ZC3H13: variants seen among roughly 807,000 people sequenced by gnomAD.
ZC3H13 encodes the protein zinc finger CCCH-type containing 13.
A neutral mutation model predicts 204.1 loss-of-function variants in ZC3H13; 64 were observed. The ratio of observed to expected loss-of-function variants is 0.31; its 90% CI spans 0.26 to 0.39. The LOEUF (loss-of-function observed/expected upper bound fraction) is 0.39. Among genes scored for constraint, ZC3H13 ranks in the 10% least tolerant of loss-of-function variants. ZC3H13 has a pLI of 1.00. For synonymous variants in ZC3H13, 667 were observed against 693.7 expected (o/e 0.96, Z 0.60); for missense variants, 1,833 against 2,082.7 (o/e 0.88, Z 2.33).
chr13:45,978,188 T>C (rs1953228994), intron 11 of ZC3H13, among the ~76,000 whole-genome samples: 1 of 152,094 alleles, frequency 6.6e-6, no homozygotes, highest in Non-Finnish European at 1.5e-5. Flanking sequence ...AGAACTTTTA[T>C]ATACAGTAGT....
At position 45,962,758 on chromosome 13, in the gene ZC3H13, T is replaced by C. The variant is rs867488775; in HGVS notation, c.4675+1084A>G. On this transcript the variant is annotated intron_variant, in intron 17 of 18. Transcript: ENST00000679008. The stretch of plus-strand genomic sequence containing the variant: ...AAATTTAATACTAACTAAACTTTTA[T>C]GTCCAGGGACATGACGTAAAATTGT... 2.4e-4 allele frequency: 233 copies of C among 985,456 alleles called. No homozygotes were observed. In the South Asian group the frequency reaches 3.0e-3, roughly 13 times the overall value. The allele number at this position is 985,456 out of a possible 1,614,324, so 61.0% of individuals were successfully genotyped here.
chr13:45,997,048 T>C (rs2040392335), intron 8 of ZC3H13, among the ~76,000 whole-genome samples: 1 of 152,238 alleles, frequency 6.6e-6, no homozygotes. Flanking sequence ...AAAAATATTA[T>C]GGGAAATTGC....
intron 18 of ZC3H13, 112 bp from the exon 19 acceptor site, chr13:45,957,409 G>T: frequency 9.7e-7 from 1 of 1,025,986 alleles, no homozygotes; most frequent in Non-Finnish European, 1.3e-6. Context: ...ATTTCATTTT[G>T]GATATTAAAT....
chr13:45,987,074 C>A (rs547403600), intron 9 of ZC3H13, among the ~76,000 whole-genome samples: 1 of 152,146 alleles, frequency 6.6e-6, no homozygotes, highest in East Asian at 1.9e-4. Context: ...TCACTTAGTG[C>A]CAGATCTTTT....
chr13:46,040,275 G>T (rs1264182116), intron 4 of ZC3H13, among the ~76,000 whole-genome samples: 1 of 152,140 alleles, frequency 6.6e-6, no homozygotes, highest in African/African-American at 2.4e-5. Context: ...GTCAAAAACA[G>T]CTGCAGAAAA....
chr13:45,971,249 T>A (rs1396573285), intron 12 of ZC3H13, among the ~76,000 whole-genome samples: 1 of 152,222 alleles, frequency 6.6e-6, no homozygotes, highest in Non-Finnish European at 1.5e-5. Flanking sequence ...TTCCCCCATT[T>A]TCATTAAAAT....
At chr13:46,003,809 G>A (rs1338721403) in intron 7 of ZC3H13, among the ~76,000 whole-genome samples, 2 of 152,082 alleles carry the variant, frequency 1.3e-5, no homozygotes, top group Non-Finnish European at 2.9e-5. Context: ...AAAGAATGAA[G>A]CTGGACCTTT....
At chr13:46,005,592 T>G (rs947829614) in intron 7 of ZC3H13, among the ~76,000 whole-genome samples, 6 of 152,068 alleles carry the variant, frequency 3.9e-5, no homozygotes, top group African/African-American at 1.4e-4. Context: ...AGGGCTCCAG[T>G]GATCCCCATG....
In ZC3H13 at chr13:46,003,246, T is replaced by G. The variant is rs543498417; in HGVS notation, c.837A>C (p.Lys279Asn). ...CTTTTACTTTATATTTTTCTTTGTATTTTTTCCCCAGAGCGATATCTTCTG... is the reference window on the plus strand; with the variant it reads ...CTTTTACTTTATATTTTTCTTTGTAGTTTTTCCCCAGAGCGATATCTTCTG... ...PIPEDIALGKKYKEKYKVKDR... is the reference protein window; with the variant it reads ...PIPEDIALGKNYKEKYKVKDR... Residue 279 changes from lysine to asparagine, a missense_variant, in exon 8 of 19, where the codon AAA becomes AAC. This residue lies in a region of ZC3H13 where 1,574 missense variants were observed against 1,757.2 expected (regional missense o/e 0.90). Coordinates refer to ENST00000679008, the MANE Select transcript of ZC3H13 (RefSeq NM_001330564.2). 1.2e-6 allele frequency: 2 copies of G among 1,613,296 alleles called. No homozygotes were observed. The highest frequency in any genetic ancestry group is 2.2e-5 in the East Asian group (1 of 44,814).
At chr13:45,959,366 G>T in intron 18 of ZC3H13, 117 bp downstream of exon 18, 1 of 1,041,956 alleles carries the variant, frequency 9.6e-7, no homozygotes, top group Non-Finnish European at 1.3e-6. Flanking sequence ...ATGTATAAAA[G>T]ATTAGGAAAC....
At chr13:46,040,745 A>C (rs2043522425) in intron 4 of ZC3H13, among the ~76,000 whole-genome samples, 1 of 152,186 alleles carries the variant, frequency 6.6e-6, no homozygotes, top group South Asian at 2.1e-4. Context: ...GAACACTTGT[A>C]ACTCAATAAT....
chr13:46,041,967 T>C (rs1300828211), intron 4 of ZC3H13, among the ~76,000 whole-genome samples, 197 bp downstream of exon 4: 1 of 152,094 alleles, frequency 6.6e-6, no homozygotes, highest in Non-Finnish European at 1.5e-5. Context: ...ATCCCTTTCA[T>C]CTTAACTACC....
Position 45,968,717 on chromosome 13 carries a change from C to G in ZC3H13, c.3796+31G>C, listed in dbSNP as rs760224239. 6 of 1,542,398 alleles carry G rather than the reference C, an allele frequency of 3.9e-6. No homozygotes were observed. The Admixed American group carries it at 1.3e-4, about 33-fold the overall frequency. On this transcript the variant is annotated intron_variant, in intron 14 of 18. Coordinates refer to ENST00000679008, the MANE Select transcript of ZC3H13 (RefSeq NM_001330564.2). ...GTATAAAATATACTAACCTAGGAAA[C>G]AGTGACTAGATCACAATTCAATTTT...
At chr13:45,971,990 T>TA (rs1261057772) in intron 12 of ZC3H13, among the ~76,000 whole-genome samples, 54 of 150,704 alleles carry the variant, frequency 3.6e-4, no homozygotes, top group African/African-American at 9.0e-4. Flanking sequence ...CATTAAAAAG[T>TA]AAAAAAAACA....
At chr13:46,032,844 G>A (rs1473455525) in intron 4 of ZC3H13, among the ~76,000 whole-genome samples, 2 of 152,030 alleles carry the variant, frequency 1.3e-5, no homozygotes, top group Non-Finnish European at 2.9e-5. Context: ...TTTGCATACT[G>A]CTATAGAATG....
chr13:45,992,678 G>A (rs2040048405), intron 8 of ZC3H13, among the ~76,000 whole-genome samples: 1 of 152,146 alleles, frequency 6.6e-6, no homozygotes, highest in Non-Finnish European at 1.5e-5. Flanking sequence ...CATTATTTCT[G>A]GGCACGTCTG....
intron 12 of ZC3H13, among the ~76,000 whole-genome samples, chr13:45,973,980 G>T (rs546379592): frequency 9.8e-5 from 15 of 152,296 alleles, no homozygotes; most frequent in African/African-American, 3.6e-4. Context: ...GTGCTGTGTT[G>T]TTTGGCCCTA....
chr13:46,013,575 C>T (rs1251172685), intron 5 of ZC3H13, among the ~76,000 whole-genome samples: 4 of 151,984 alleles, frequency 2.6e-5, no homozygotes, highest in Non-Finnish European at 5.9e-5. Context: ...AGATGGACTA[C>T]AAGATAGGCA....
chr13:45,993,502 T>A (rs2040112479), intron 8 of ZC3H13, among the ~76,000 whole-genome samples: 1 of 152,104 alleles, frequency 6.6e-6, no homozygotes, highest in Non-Finnish European at 1.5e-5. Flanking sequence ...GAACCACAAT[T>A]TATGAGAGAA....
Sources: gnomAD v4.1 joint callset for allele counts (sites outside exome capture counted in the v4.1 genomes callset) on GRCh38, gnomAD v4.1.1 for gene constraint, gnomAD v4.1.1 regional missense constraint, MANE v1.5 for transcripts, NCBI Gene and HGNC (gene_info 2026-07-23, HGNC 2026-07-21) for gene names.